The following BTNL2 variants were observed in gnomAD, a reference collection of about 807,000 sequenced individuals.
BTNL2 encodes butyrophilin like 2, also known as butyrophilin-like protein 2.
Under a neutral mutation model 46.8 loss-of-function variants are expected in BTNL2, and 46 were observed. The ratio of observed to expected loss-of-function variants is 0.98; its 90% CI spans 0.78 to 1.26. The LOEUF (loss-of-function observed/expected upper bound fraction) is 1.26, where lower values mean the gene tolerates loss of function less well. Ranked by LOEUF, BTNL2 falls within the 50% of genes most tolerant of loss-of-function variation. The pLI, the probability that BTNL2 is intolerant of heterozygous loss-of-function variation, is 0.00. For synonymous variants in BTNL2, 226 were observed against 229.1 expected (o/e 0.99, Z 0.12); for missense variants, 461 against 592.6 (o/e 0.78, Z 2.31).
Position 32,403,284 on chromosome 6 carries a change from C to T in BTNL2, c.428-68G>A, listed in dbSNP as rs1251452797. ...GGCAGAAATCACAGAGGCTGAGATC[C>T]CAGTGACGTTGCTCACAGGGAGGTG... On this transcript the variant is annotated intron_variant, in intron 2 of 7. Coordinates refer to ENST00000454136, the MANE Select transcript of BTNL2 (RefSeq NM_001304561.2). The T allele has an allele frequency of 2.0e-6, 3 of 1,499,820 alleles. No individual in the cohort carries two copies. The Admixed American group carries it at 6.3e-5, about 31-fold the overall frequency. The allele number at this position is 1,499,820 out of a possible 1,614,324, so 92.9% of individuals were successfully genotyped here.
At chr6:32,401,527 G>A (rs1309347484) in intron 4 of BTNL2, among the ~76,000 whole-genome samples, 1 of 152,144 alleles carries the variant, frequency 6.6e-6, no homozygotes, top group Non-Finnish European at 1.5e-5. Flanking sequence ...CAGAGATGAT[G>A]CCATGCTTCC....
In BTNL2 at chr6:32,406,997, G is replaced by A. The variant is rs1186987414; in HGVS notation, c.79+48C>T. ...GTTCTCGACCTTTGGACCCAGACTA[G>A]CTCACTGGGACATTAGACTATACAG... On this transcript the variant is annotated intron_variant, in intron 1 of 7. Transcript: ENST00000454136. 5 of 1,549,146 alleles carry A rather than the reference G, an allele frequency of 3.2e-6. No individual in the cohort carries two copies. The African/African-American group carries it at 6.8e-5, about 21-fold the overall frequency.
chr6:32,402,220 A>ACAT (rs1776828445), intron 3 of BTNL2, among the ~76,000 whole-genome samples: 1 of 152,240 alleles, frequency 6.6e-6, no homozygotes, highest in African/African-American at 2.4e-5. Flanking sequence ...TTAAAATGTA[A>ACAT]CATTAACTTT....
chr6:32,396,330 T>G lies in BTNL2; in HGVS notation c.787A>C (p.Ile263Leu), dbSNP rs1446685054. Residue 263 changes from isoleucine to leucine, a missense_variant, in exon 5 of 8, where the codon ATA becomes CTA. Physicochemically the swap from Ile to Leu is conservative, Grantham distance 5. Coordinates refer to ENST00000454136, the MANE Select transcript of BTNL2 (RefSeq NM_001304561.2). The surrounding 1 kb of genome is among the most constrained non-coding windows in gnomAD (Gnocchi z 4.4). ...GGGGACAGGTAACAGGTTAGCTGTATATCTTCTCCCACTCTGACGAGGATG... is the reference window on the plus strand; with the variant it reads ...GGGGACAGGTAACAGGTTAGCTGTAGATCTTCTCCCACTCTGACGAGGATG... ...QPILVRVGED[I>L]QLTCYLSPKA... The G allele has an allele frequency of 1.2e-6, 2 of 1,612,790 alleles. No individual in the cohort carries two copies. The highest frequency in any genetic ancestry group is 1.7e-6 in the Non-Finnish European group (2 of 1,179,760).
chr6:32,400,782 GCA>G (rs1345110153), intron 4 of BTNL2, among the ~76,000 whole-genome samples: 1 of 137,910 alleles, frequency 7.3e-6, no homozygotes, highest in Non-Finnish European at 1.6e-5. Flanking sequence ...GTGTGGTGGC[GCA>G]TGCCTGTAGT....
rs9279632 is a variant in BTNL2, at chr6:32,401,207, C to CAAAAAAAAAAAAAAAAA, written c.730+561_730+577dup. On this transcript the variant is annotated intron_variant, in intron 4 of 7. Transcript: ENST00000454136. ...TGGGCGACAGAGCAAGACTCCGTCT[C>CAAAAAAAAAAAAAAAAA]AAAAAAAAAAAAAAAAAAAAAAAAA... Among the ~76,000 whole-genome samples the CAAAAAAAAAAAAAAAAA allele has an allele frequency of 3.3e-4, 13 of 38,918 alleles. 1 individual carries two copies. The highest frequency in any genetic ancestry group is 4.3e-4 in the Non-Finnish European group (11 of 25,472). 25.5% of individuals were successfully genotyped at this position (38,918 alleles called of 152,430 possible). A position where few individuals can be genotyped will look rare whatever the true frequency, so the allele number is the denominator to read the frequency against.
intron 4 of BTNL2, among the ~76,000 whole-genome samples, chr6:32,400,135 T>A (rs1201630516): frequency 6.6e-6 from 1 of 152,198 alleles, no homozygotes; most frequent in Non-Finnish European, 1.5e-5. Context: ...TACTTCCTGA[T>A]CTCAGAAGGG....
Position 32,403,069 on chromosome 6 carries a change from C to A in BTNL2, c.575G>T (p.Arg192Leu), listed in dbSNP as rs146129641. The stretch of plus-strand genomic sequence containing the variant: ...GAACAGGCCATCTTTATCTTGGATG[C>A]GATGCTCAGACACGGCCAGCAGCTT... Reference protein sequence around the residue: ...GEKLLAVSEHRIQDKDGLFYA... With the variant: ...GEKLLAVSEHLIQDKDGLFYA... Residue 192 changes from arginine (R) to leucine (L), a missense_variant, in exon 3 of 8, where the codon CGC becomes CTC. By Grantham distance (102) the Arg-to-Leu change is moderately radical. Coordinates refer to ENST00000454136, the MANE Select transcript of BTNL2 (RefSeq NM_001304561.2). 1.9e-6 allele frequency: 3 copies of A among 1,612,898 alleles called. No homozygotes were observed. Among genetic ancestry groups the A allele is most frequent in the African/African-American group, 1.3e-5 (1 of 75,018 alleles).
Position 32,395,838 on chromosome 6 carries a change from C to T in BTNL2, c.1078+201G>A, listed in dbSNP as rs558848891. 1.8e-4 allele frequency among the ~76,000 whole-genome samples: 27 copies of T among 152,158 alleles called. No individual in the cohort carries two copies. The South Asian group carries it at 4.8e-3, about 27-fold the overall frequency. On this transcript the variant is annotated intron_variant, in intron 5 of 7. Coordinates refer to ENST00000454136, the MANE Select transcript of BTNL2 (RefSeq NM_001304561.2). The stretch of plus-strand genomic sequence containing the variant: ...TACTGGAAAAGATACAAGTTATATG[C>T]CCAAATAATTAAATTTCATCCATTT...
intron 5 of BTNL2, among the ~76,000 whole-genome samples, chr6:32,395,452 G>A (rs1776383841): frequency 6.6e-6 from 1 of 152,114 alleles, no homozygotes; most frequent in Admixed American, 6.5e-5. Flanking sequence ...ATGGCTAAAC[G>A]TGTTTATTAA....
rs41342846 is a variant in BTNL2, at chr6:32,394,925, T to C, written c.1179A>G (p.Pro393=). 247,186 of 1,611,870 alleles carry C rather than the reference T, an allele frequency of 0.15. 20,181 individuals carry two copies. The highest frequency in any genetic ancestry group is 0.23 in the East Asian group (10,143 of 44,806). Residue 393 remains proline (P), a synonymous_variant, in exon 6 of 8, where the codon CCA becomes CCG. Transcript: ENST00000454136. This position sits in a 1 kb window ranked among gnomAD's most constrained non-coding sequence, Gnocchi z 4.6. ...SDGWFPQPHV[P]WRDMEGKTIP... ...TCGTCTTTCCTTCCATGTCCCTCCA[T>C]GGCACGTGGGGCTGTGGGAACCACC... is the stretch of plus-strand genomic sequence containing the variant.
In BTNL2 at chr6:32,396,127, A is replaced by T. The variant is rs1190887897; in HGVS notation, c.990T>A (p.Ser330Arg). ...DEGRLTLQIL[S>R]ARPSDDGQYR... ...ACTGCCCGTCGTCCGAAGGTCTGGC[A>T]CTGAGTATCTGCAGGGTCAGTCTGC... Residue 330 changes from serine to arginine, a missense_variant, in exon 5 of 8, where the codon AGT (serine) becomes AGA (arginine). By Grantham distance (110) the Ser-to-Arg change is moderately radical. Coordinates refer to ENST00000454136, the MANE Select transcript of BTNL2 (RefSeq NM_001304561.2). This position sits in a 1 kb window ranked among gnomAD's most constrained non-coding sequence, Gnocchi z 4.4. 2.5e-6 allele frequency: 4 copies of T among 1,613,118 alleles called. No homozygotes were observed. The highest frequency in any genetic ancestry group is 2.5e-6 in the Non-Finnish European group (3 of 1,180,040).
At position 32,394,088 on chromosome 6, in the gene BTNL2, C is replaced by T. The variant is rs118024439; in HGVS notation, c.1361-31G>A. ...ATGGAAACCCAAGAATCCCTTGAAA[C>T]TGTGAAACTGGGACAATATTAAGAT... On this transcript the variant is annotated intron_variant, in intron 6 of 7. Coordinates refer to ENST00000454136, the MANE Select transcript of BTNL2 (RefSeq NM_001304561.2). This position sits in a 1 kb window ranked among gnomAD's most constrained non-coding sequence, Gnocchi z 4.6. The T allele has an allele frequency of 0.015, 22,748 of 1,546,932 alleles. 1,102 individuals are homozygous for T. The East Asian group carries it at 0.16, about 11-fold the overall frequency.
chr6:32,405,807 G>GTTTTTTTTTTTTT (rs56858224), intron 1 of BTNL2, among the ~76,000 whole-genome samples: 10 of 127,784 alleles, frequency 7.8e-5, no homozygotes, highest in Non-Finnish European at 8.9e-5. Flanking sequence ...TATAAAAACT[G>GTTTTTTTTTTTTT]TTTTTTTTTT....
At chr6:32,398,415 C>T (rs1317271834) in intron 4 of BTNL2, among the ~76,000 whole-genome samples, 1 of 152,084 alleles carries the variant, frequency 6.6e-6, no homozygotes, top group Non-Finnish European at 1.5e-5. Flanking sequence ...CAGTTGACTC[C>T]CAGTTATTTC....
At chr6:32,406,069 C>G (rs1379459767) in intron 1 of BTNL2, 3 of 152,514 alleles carry the variant, frequency 2.0e-5, no homozygotes, top group African/African-American at 7.2e-5. Context: ...ATGATATGTT[C>G]TTTCTCATTC....
In BTNL2 at chr6:32,404,882, C is replaced by T; in HGVS notation, c.427+57G>A. The stretch of plus-strand genomic sequence containing the variant: ...ATTTCCTCAACTGTCACAAAGCTTA[C>T]CACAAATTAATATATCTCTGCCTCT... On this transcript the variant is annotated intron_variant, in intron 2 of 7. Coordinates refer to ENST00000454136, the MANE Select transcript of BTNL2 (RefSeq NM_001304561.2). 3.3e-6 allele frequency: 5 copies of T among 1,508,160 alleles called. No homozygotes were observed. In the South Asian group the frequency reaches 4.7e-5, roughly 14 times the overall value. 93.4% of individuals were successfully genotyped at this position (1,508,160 alleles called of 1,614,324 possible). A position where few individuals can be genotyped will look rare whatever the true frequency, so the allele number is the denominator to read the frequency against.
rs67124304 is a variant in BTNL2, at chr6:32,394,351, G to A, written c.1361-294C>T. Among the ~76,000 whole-genome samples, 21,670 of 149,684 alleles carry A rather than the reference G, an allele frequency of 0.14. 1,840 individuals carry two copies. The highest frequency in any genetic ancestry group is 0.18 in the South Asian group (835 of 4,734). ...AGGAAAGGATAAAATTACTCAAGCCGCAACCATGAAGATGGTATTAATAAA... is the reference window on the plus strand; with the variant it reads ...AGGAAAGGATAAAATTACTCAAGCCACAACCATGAAGATGGTATTAATAAA... On this transcript the variant is annotated intron_variant, in intron 6 of 7. Transcript: ENST00000454136. This position sits in a 1 kb window ranked among gnomAD's most constrained non-coding sequence, Gnocchi z 4.6.
In BTNL2 at chr6:32,399,970, C is replaced by T. The variant is rs193301616; in HGVS notation, c.730+1815G>A. 5.2e-3 allele frequency among the ~76,000 whole-genome samples: 784 copies of T among 151,850 alleles called. 9 individuals are homozygous for T. The highest frequency in any genetic ancestry group is 0.018 in the African/African-American group (739 of 41,484). On this transcript the variant is annotated intron_variant, in intron 4 of 7. Coordinates refer to ENST00000454136, the MANE Select transcript of BTNL2 (RefSeq NM_001304561.2). The surrounding 1 kb of genome is among the most constrained non-coding windows in gnomAD (Gnocchi z 5.2). The stretch of plus-strand genomic sequence containing the variant: ...ATCTTTCCGTGTTGGTTAATTGTGG[C>T]CCCGGAGGTTACCATGACTTAGGAA...
Sources: allele counts gnomAD v4.1 joint callset (sites outside exome capture counted in the v4.1 genomes callset), GRCh38; gene constraint gnomAD v4.1.1; non-coding constraint Gnocchi (gnomAD v3.1); transcripts MANE v1.5; gene names NCBI Gene and HGNC (gene_info 2026-07-23, HGNC 2026-07-21).